The following TNR variants were observed in gnomAD, a reference collection of about 807,000 sequenced individuals.
TNR encodes the protein tenascin R.
TNR carries 45 observed loss-of-function variants against 150.4 expected under a neutral mutation model. The observed-to-expected ratio is 0.30, with a 90% CI of 0.24 to 0.38. The LOEUF is 0.38. Among genes scored for constraint, TNR ranks in the 10% least tolerant of loss-of-function variants. The pLI is 1.00. For synonymous variants in TNR, 687 were observed against 678.4 expected (o/e 1.01, Z -0.20); for missense variants, 1,544 against 1,759.1 (o/e 0.88, Z 2.19).
Position 175,403,991 on chromosome 1 carries a change from G to T in TNR, c.500-375C>A, listed in dbSNP as rs145125129. On this transcript the variant is annotated intron_variant, in intron 3 of 22. Coordinates refer to ENST00000367674, the MANE Select transcript of TNR (RefSeq NM_003285.3). ...AAGAGTGGAAAGTTGGGAAGGGAAC[G>T]TGCTCAAGCCCAGGTGCATTATCAA... 2.0e-5 allele frequency among the ~76,000 whole-genome samples: 3 copies of T among 152,248 alleles called. No individual in the cohort carries two copies. In the East Asian group the frequency reaches 5.8e-4, roughly 29 times the overall value.
At chr1:175,713,874 A>C (rs1207721788) in intron 1 of TNR, among the ~76,000 whole-genome samples, 5 of 152,232 alleles carry the variant, frequency 3.3e-5, no homozygotes, top group African/African-American at 1.2e-4. Flanking sequence ...CAGTGAAAGG[A>C]AGATGAATTA....
intron 1 of TNR, among the ~76,000 whole-genome samples, chr1:175,608,342 C>T (rs1441961826): frequency 3.2e-4 from 49 of 152,198 alleles, no homozygotes; most frequent in Admixed American, 3.2e-3. Context: ...TCTGGAAAAA[C>T]ACCAAACTGG....
intron 2 of TNR, among the ~76,000 whole-genome samples, chr1:175,436,332 T>C (rs34370670): frequency 2.4e-4 from 36 of 152,026 alleles, no homozygotes; most frequent in African/African-American, 8.5e-4. Context: ...AGGCTTTGTT[T>C]GTTTCTCTTT....
chr1:175,400,962 T>C (rs921491879), intron 4 of TNR, among the ~76,000 whole-genome samples: 5 of 152,224 alleles, frequency 3.3e-5, no homozygotes, highest in African/African-American at 1.2e-4. Context: ...GTGGTGGCTC[T>C]AGGGTTGCTA....
At chr1:175,372,451 G>A (rs1652152050) in intron 9 of TNR, among the ~76,000 whole-genome samples, 1 of 152,202 alleles carries the variant, frequency 6.6e-6, no homozygotes, top group Admixed American at 6.5e-5. Context: ...ACTTAAAGCT[G>A]GCTAAGATAA....
chr1:175,560,175 C>T (rs1661364552), intron 1 of TNR, among the ~76,000 whole-genome samples: 1 of 152,236 alleles, frequency 6.6e-6, no homozygotes, highest in Non-Finnish European at 1.5e-5. Flanking sequence ...GAATGCAGAA[C>T]TTTAGTTCTA....
chr1:175,739,107 CTTCCCCT>C (rs1667852323), intron 1 of TNR, among the ~76,000 whole-genome samples: 2 of 152,112 alleles, frequency 1.3e-5, no homozygotes, highest in African/African-American at 2.4e-5. Context: ...ACTCAGGAGC[CTTCCCCT>C]AAAAGAGCTG....
chr1:175,576,612 C>T (rs1478830447), intron 1 of TNR, among the ~76,000 whole-genome samples: 1 of 152,144 alleles, frequency 6.6e-6, no homozygotes, highest in Non-Finnish European at 1.5e-5. Context: ...TGATCTTTCC[C>T]CACCTCCATC....
chr1:175,441,447 C>G (rs1655785259), intron 2 of TNR, among the ~76,000 whole-genome samples: 1 of 152,114 alleles, frequency 6.6e-6, no homozygotes, highest in Non-Finnish European at 1.5e-5. Flanking sequence ...AATATGCTTA[C>G]TTTTATACCA....
Position 175,405,499 on chromosome 1 carries a change from G to A in TNR, c.499+717C>T, listed in dbSNP as rs573728304. Among the ~76,000 whole-genome samples the A allele has an allele frequency of 7.9e-5, 12 of 152,314 alleles. No individual in the cohort carries two copies. The South Asian group carries it at 2.1e-3, about 26-fold the overall frequency. On this transcript the variant is annotated intron_variant, in intron 3 of 22. Transcript: ENST00000367674. The stretch of plus-strand genomic sequence containing the variant: ...GGTTACTAATTAGGGGGTGGGCAAT[G>A]TTAGAAGTAAATCCCCTGAGATTTC...
chr1:175,399,480 C>T (rs947050937), intron 4 of TNR, among the ~76,000 whole-genome samples: 6 of 152,222 alleles, frequency 3.9e-5, no homozygotes, highest in African/African-American at 1.4e-4. Flanking sequence ...GTTGCCTACA[C>T]TTCTGAATGA....
chr1:175,550,229 G>T (rs1433313370), intron 1 of TNR, among the ~76,000 whole-genome samples: 1 of 152,186 alleles, frequency 6.6e-6, no homozygotes, highest in Non-Finnish European at 1.5e-5. Context: ...AGAATGGGGT[G>T]CACATGACAC....
intron 1 of TNR, among the ~76,000 whole-genome samples, chr1:175,542,731 C>T (rs1452032125): frequency 6.7e-6 from 1 of 149,254 alleles, no homozygotes; most frequent in African/African-American, 2.6e-5. Flanking sequence ...GGTCCAAAGT[C>T]TTTACTTATC....
intron 1 of TNR, among the ~76,000 whole-genome samples, chr1:175,690,999 T>C (rs1666345346): frequency 6.6e-6 from 1 of 152,206 alleles, no homozygotes; most frequent in Non-Finnish European, 1.5e-5. Context: ...TTTGTTAAAA[T>C]GGACTGTTGG....
rs917465026 is a variant in TNR at position 175,680,213 on chromosome 1, G to A, written c.-165+63013C>T. Among the ~76,000 whole-genome samples, 3 of 152,136 alleles carry A rather than the reference G, an allele frequency of 2.0e-5. No individual in the cohort carries two copies. In the East Asian group the frequency reaches 5.8e-4, roughly 29 times the overall value. ...GAGCTGTTCTTTCTTGTGCCTCTGT[G>A]GTTCCTGAGTTCATTGTTATTCTTT... On this transcript the variant is annotated intron_variant, in intron 1 of 22. Transcript: ENST00000367674.
chr1:175,506,169 T>C (rs918016803), intron 2 of TNR, among the ~76,000 whole-genome samples: 18 of 152,234 alleles, frequency 1.2e-4, no homozygotes, highest in Non-Finnish European at 4.4e-5. Context: ...GATGATCCTA[T>C]GAAGGAACAC....
intron 2 of TNR, among the ~76,000 whole-genome samples, chr1:175,462,310 A>G (rs1466001679): frequency 6.6e-6 from 1 of 152,204 alleles, no homozygotes; most frequent in Non-Finnish European, 1.5e-5. Flanking sequence ...ACACAGAAGC[A>G]ACTTGAACAA....
chr1:175,615,810 A>G (rs1204606082), intron 1 of TNR, among the ~76,000 whole-genome samples: 1 of 152,220 alleles, frequency 6.6e-6, no homozygotes, highest in Non-Finnish European at 1.5e-5. Flanking sequence ...CATAGCTTGC[A>G]CCTTTCAGTT....
intron 2 of TNR, among the ~76,000 whole-genome samples, chr1:175,445,147 G>A (rs1392656386): frequency 1.3e-5 from 2 of 152,180 alleles, no homozygotes; most frequent in Admixed American, 6.5e-5. Flanking sequence ...GCAGGCACCT[G>A]TAGTCCCAGC....
Sources: allele counts gnomAD v4.1 joint callset (sites outside exome capture counted in the v4.1 genomes callset), GRCh38; gene constraint gnomAD v4.1.1; transcripts MANE v1.5; gene names NCBI Gene and HGNC (gene_info 2026-07-23, HGNC 2026-07-21).